Variants in EPHA5 observed in about 807,000 individuals in gnomAD.
The protein encoded by EPHA5 is ephrin type-A receptor 5.
EPHA5 carries 60 observed loss-of-function variants against 105.0 expected under a neutral mutation model. The observed-to-expected ratio is 0.57, with a 90% CI of 0.46 to 0.71. EPHA5 has a LOEUF of 0.71. Ranked by LOEUF, EPHA5 falls within the 30% of genes least tolerant of loss-of-function variation. The probability of loss-of-function intolerance (pLI) is 0.00; values close to 1 mark genes in which losing one functional copy is unlikely to be tolerated. For missense variants in EPHA5, 1,218 were observed against 1,274.7 expected, an observed-to-expected ratio of 0.96 and a Z score of 0.68; for synonymous variants, 513 against 449.1, an observed-to-expected ratio of 1.14 and a Z score of -1.80.
chr4:65,536,092 T>C (rs914345374), intron 3 of EPHA5, among the ~76,000 whole-genome samples: 1 of 152,048 alleles, frequency 6.6e-6, no homozygotes, highest in African/African-American at 2.4e-5. Context: ...ACATACTTTA[T>C]ATTGATCAAT....
At chr4:65,554,054 C>A (rs569472243) in intron 3 of EPHA5, among the ~76,000 whole-genome samples, 2 of 151,516 alleles carry the variant, frequency 1.3e-5, no homozygotes, top group East Asian at 3.9e-4. Context: ...AGAAAAATTA[C>A]TACGTATCTA....
At chr4:65,434,302 G>A (rs2149070593) in intron 5 of EPHA5, among the ~76,000 whole-genome samples, 1 of 149,424 alleles carries the variant, frequency 6.7e-6, no homozygotes, top group Non-Finnish European at 1.5e-5. Context: ...AATAGGTTGT[G>A]GACATTTTTT....
intron 5 of EPHA5, among the ~76,000 whole-genome samples, chr4:65,447,038 G>T (rs1465618364): frequency 7.4e-6 from 1 of 134,814 alleles, no homozygotes; most frequent in East Asian, 2.2e-4. Flanking sequence ...TCAGGCTGGT[G>T]TGCAGTAGCA....
chr4:65,511,406 A>G (rs1251426726), intron 3 of EPHA5, among the ~76,000 whole-genome samples: 2 of 152,184 alleles, frequency 1.3e-5, no homozygotes, highest in African/African-American at 2.4e-5. Context: ...GTGTGTGATG[A>G]CTAGTTGTGA....
chr4:65,636,528 T>TTCA (rs1191755969), intron 2 of EPHA5, among the ~76,000 whole-genome samples: 2 of 152,122 alleles, frequency 1.3e-5, no homozygotes, highest in African/African-American at 4.8e-5. Flanking sequence ...CATTTTTTTT[T>TTCA]TCATCTACAA....
At chr4:65,619,254 C>T (rs1040765483) in intron 2 of EPHA5, among the ~76,000 whole-genome samples, 5 of 152,120 alleles carry the variant, frequency 3.3e-5, no homozygotes, top group Non-Finnish European at 5.9e-5. Flanking sequence ...CTATAATAAA[C>T]AATTTAATAT....
chr4:65,394,349 T>C (rs1721006674), intron 8 of EPHA5, among the ~76,000 whole-genome samples: 1 of 152,180 alleles, frequency 6.6e-6, no homozygotes, highest in Non-Finnish European at 1.5e-5. Context: ...GGAAGTTATA[T>C]CCTAAAGAGC....
intron 5 of EPHA5, among the ~76,000 whole-genome samples, chr4:65,478,040 T>G (rs1366129306): frequency 1.3e-5 from 2 of 152,182 alleles, no homozygotes; most frequent in Admixed American, 1.3e-4. Flanking sequence ...CAGAGATGAA[T>G]TATAGACATA....
intron 2 of EPHA5, among the ~76,000 whole-genome samples, chr4:65,638,188 A>G (rs1158015129): frequency 6.6e-6 from 1 of 152,176 alleles, no homozygotes; most frequent in Non-Finnish European, 1.5e-5. Flanking sequence ...TTTATTATTT[A>G]TAAGGCATTT....
chr4:65,451,091 A>G (rs1727022023), intron 5 of EPHA5, among the ~76,000 whole-genome samples: 2 of 152,166 alleles, frequency 1.3e-5, no homozygotes, highest in Admixed American at 1.3e-4. Flanking sequence ...ACTGTTGAGA[A>G]GTGCCCATTG....
intron 5 of EPHA5, among the ~76,000 whole-genome samples, chr4:65,468,587 A>T (rs1728961555): frequency 5.0e-5 from 1 of 20,104 alleles, no homozygotes; most frequent in Non-Finnish European, 9.8e-5. Flanking sequence ...TATGTAAAAT[A>T]TATATAATAT....
chr4:65,345,621 A>C (rs1722141075), intron 14 of EPHA5, among the ~76,000 whole-genome samples: 1 of 152,238 alleles, frequency 6.6e-6, no homozygotes, highest in African/African-American at 2.4e-5. Flanking sequence ...CTCCTCCTCT[A>C]GGGCCCTTGC....
chr4:65,552,051 C>A (rs986001893), intron 3 of EPHA5, among the ~76,000 whole-genome samples: 1 of 152,152 alleles, frequency 6.6e-6, no homozygotes, highest in African/African-American at 2.4e-5. Flanking sequence ...CTACCTGTTT[C>A]CTCAAGTGAT....
chr4:65,377,775 A>T (rs113808971), intron 8 of EPHA5, among the ~76,000 whole-genome samples: 1 of 152,014 alleles, frequency 6.6e-6, no homozygotes, highest in Non-Finnish European at 1.5e-5. Context: ...CAGGAAATAC[A>T]AAGTAAACTA....
In EPHA5 at chr4:65,496,634, G is replaced by A. The variant is rs1028209120; in HGVS notation, c.911-1091C>T. 8.6e-5 allele frequency among the ~76,000 whole-genome samples: 13 copies of A among 151,388 alleles called. 1 individual carries two copies. The East Asian group carries it at 1.7e-3, about 20-fold the overall frequency. On this transcript the variant is annotated intron_variant, in intron 3 of 16. Transcript: ENST00000613740. ...TTTCTTAATCCAGTCTATCATTGTTGGACATTTGGGTTGGTTCCAAGTCTT... is the reference window on the plus strand; with the variant it reads ...TTTCTTAATCCAGTCTATCATTGTTAGACATTTGGGTTGGTTCCAAGTCTT...
chr4:65,355,999 G>T (rs1046346425), intron 11 of EPHA5, among the ~76,000 whole-genome samples: 1 of 151,436 alleles, frequency 6.6e-6, no homozygotes, highest in Non-Finnish European at 1.5e-5. Flanking sequence ...TATTGAGAGG[G>T]TTGTCACATT....
chr4:65,605,208 T>G (rs1744107986), intron 2 of EPHA5, among the ~76,000 whole-genome samples: 1 of 152,188 alleles, frequency 6.6e-6, no homozygotes, highest in South Asian at 2.1e-4. Flanking sequence ...CCAGGTCAGT[T>G]GCGTTCTAAA....
At chr4:65,465,844 A>G (rs1444964947) in intron 5 of EPHA5, among the ~76,000 whole-genome samples, 2 of 152,240 alleles carry the variant, frequency 1.3e-5, no homozygotes, top group Non-Finnish European at 2.9e-5. Context: ...TACAGAATCT[A>G]TAATGTCATA....
rs2149037533 is a variant in EPHA5, at chr4:65,420,567, T to A, written c.1403-2A>T. 2 of 1,611,866 alleles carry A rather than the reference T, an allele frequency of 1.2e-6. No homozygotes were observed. The highest frequency in any genetic ancestry group is 1.7e-6 in the Non-Finnish European group (2 of 1,179,072). ...TCACATTGGTGACTGGAGATGGAGC[T>A]GCAAAATAGTTTAAATAAGGAGCAG... On this transcript the variant is annotated splice_acceptor_variant, in intron 5 of 16. Transcript: ENST00000613740. LOFTEE classifies it high-confidence loss of function.
Sources: gnomAD v4.1 joint callset for allele counts (sites outside exome capture counted in the v4.1 genomes callset) on GRCh38, gnomAD v4.1.1 for gene constraint, MANE v1.5 for transcripts, NCBI Gene and HGNC (gene_info 2026-07-23, HGNC 2026-07-21) for gene names.